Variants in PCBP3 observed in about 807,000 individuals in gnomAD.
The protein encoded by PCBP3 is poly(rC) binding protein 3.
Under a neutral mutation model 52.7 loss-of-function variants are expected in PCBP3, and 25 were observed. The observed-to-expected ratio is 0.47, with a 90% confidence interval of 0.35 to 0.66. The LOEUF is 0.66. PCBP3 is among the 30% of genes least tolerant of loss of function. The probability of loss-of-function intolerance (pLI) is 0.01; values close to 1 mark genes in which losing one functional copy is unlikely to be tolerated. For missense variants in PCBP3, 391 were observed against 490.3 expected (o/e 0.80, Z 1.91); for synonymous variants, 162 against 183.0 (o/e 0.89, Z 0.93).
intron 2 of PCBP3, among the ~76,000 whole-genome samples, chr21:45,681,296 C>T (rs1043618819): frequency 1.3e-5 from 2 of 152,230 alleles, no homozygotes; most frequent in African/African-American, 2.4e-5. Context: ...TGCTTCACTA[C>T]ATTGAGCAAT....
intron 13 of PCBP3, among the ~76,000 whole-genome samples, chr21:45,923,593 G>A (rs1404991777): frequency 6.6e-6 from 1 of 152,172 alleles, no homozygotes; most frequent in African/African-American, 2.4e-5. Context: ...GCCCGTGGAG[G>A]TCTGAGAAAC....
intron 4 of PCBP3, among the ~76,000 whole-genome samples, chr21:45,768,039 G>A (rs1569200980): frequency 6.6e-6 from 1 of 152,280 alleles, no homozygotes; most frequent in African/African-American, 2.4e-5. Flanking sequence ...AGGCCATGGT[G>A]CCAGTGTCCT....
chr21:45,892,386 G>C (rs938468114), intron 5 of PCBP3, among the ~76,000 whole-genome samples: 11 of 142,460 alleles, frequency 7.7e-5, no homozygotes, highest in African/African-American at 2.8e-4. Flanking sequence ...TGCAGAACAA[G>C]GAAACAGAGT....
intron 5 of PCBP3, among the ~76,000 whole-genome samples, chr21:45,865,083 A>T (rs2094660377): frequency 6.6e-6 from 1 of 152,210 alleles, no homozygotes; most frequent in South Asian, 2.1e-4. Context: ...TTTCATTAAG[A>T]TGGGGTAGAA....
In PCBP3 at chr21:45,829,826, C is replaced by T. The variant is rs2093402733; in HGVS notation, c.-125-20135C>T. 1 of 152,588 alleles carries T rather than the reference C, an allele frequency of 6.6e-6. No homozygotes were observed. Among genetic ancestry groups the T allele is most frequent in the African/African-American group, 2.4e-5 (1 of 41,468 alleles). 9.5% of individuals were successfully genotyped at this position (152,588 alleles called of 1,614,324 possible). On this transcript the variant is annotated intron_variant, in intron 4 of 17. Transcript: ENST00000681687. This position sits in a 1 kb window ranked among gnomAD's most constrained non-coding sequence, Gnocchi z 5.2. ...CTTGAAGCGGGGAGGCCTGGTTCCC[C>T]TGACATTCTGCTGCCAGGAAGATGC...
At chr21:45,929,856 T>C (rs186247901) in intron 13 of PCBP3, 61 bp from the exon 14 acceptor site, 60 of 1,255,696 alleles carry the variant, frequency 4.8e-5, no homozygotes, top group Non-Finnish European at 6.8e-5. Context: ...CCGTTTTAAT[T>C]TGGTGTGACT....
At chr21:45,900,116 C>T (rs1006850122) in intron 7 of PCBP3, among the ~76,000 whole-genome samples, 4 of 152,240 alleles carry the variant, frequency 2.6e-5, no homozygotes, top group African/African-American at 7.2e-5. Context: ...ACATTTTCAC[C>T]GCTTCCGGGG....
chr21:45,743,415 G>GT, intron 3 of PCBP3, among the ~76,000 whole-genome samples: 1 of 152,188 alleles, frequency 6.6e-6, no homozygotes, highest in East Asian at 1.9e-4. Context: ...TAAGTTACGT[G>GT]TTTTTTAAAA....
Position 45,802,971 on chromosome 21 carries a change from T to C in PCBP3, c.-125-46990T>C, listed in dbSNP as rs552814252. Reference sequence around the variant, plus strand: ...TTCTTTTTAATGATTTTTCTTGTTTTCAATAAAAAATAACATTTCCCGTCT... The same window carrying C: ...TTCTTTTTAATGATTTTTCTTGTTTCCAATAAAAAATAACATTTCCCGTCT... On this transcript the variant is annotated intron_variant, in intron 4 of 17. Coordinates refer to ENST00000681687, the MANE Select transcript of PCBP3 (RefSeq NM_001384156.1). This position sits in a 1 kb window ranked among gnomAD's most constrained non-coding sequence, Gnocchi z 5.1. 5.1e-4 allele frequency among the ~76,000 whole-genome samples: 77 copies of C among 152,378 alleles called. No individual in the cohort carries two copies. The highest frequency in any genetic ancestry group is 1.8e-3 in the African/African-American group (75 of 41,594).
chr21:45,877,141 C>A (rs2148719971), intron 5 of PCBP3, among the ~76,000 whole-genome samples: 1 of 152,374 alleles, frequency 6.6e-6, no homozygotes, highest in East Asian at 1.9e-4. Flanking sequence ...CCTTTCGGGT[C>A]TGACGGGATG....
intron 2 of PCBP3, among the ~76,000 whole-genome samples, chr21:45,725,033 G>A (rs2084927537): frequency 6.6e-6 from 1 of 152,136 alleles, no homozygotes; most frequent in Non-Finnish European, 1.5e-5. Context: ...CATTTTGCTT[G>A]GGTTTTTTTT....
rs1301653380 is a variant in PCBP3 at position 45,802,155 on chromosome 21, T to C, written c.-126+46703T>C. On this transcript the variant is annotated intron_variant, in intron 4 of 17. Transcript: ENST00000681687. This position sits in a 1 kb window ranked among gnomAD's most constrained non-coding sequence, Gnocchi z 5.1. Reference sequence around the variant, plus strand: ...ATCCTGGGCAGAGGCCTTGGCCCAGTGCAAGCTCTTTCTGCCCACATTCTC... The same window carrying C: ...ATCCTGGGCAGAGGCCTTGGCCCAGCGCAAGCTCTTTCTGCCCACATTCTC... Among the ~76,000 whole-genome samples, 3 of 152,220 alleles carry C rather than the reference T, an allele frequency of 2.0e-5. No homozygotes were observed. Among genetic ancestry groups the C allele is most frequent in the Non-Finnish European group, 4.4e-5 (3 of 68,038 alleles).
At chr21:45,672,808 G>A (rs2081253328) in intron 2 of PCBP3, among the ~76,000 whole-genome samples, 1 of 152,106 alleles carries the variant, frequency 6.6e-6, no homozygotes, top group Non-Finnish European at 1.5e-5. Flanking sequence ...GGGAGCAGAG[G>A]GATAGCTTTT....
intron 4 of PCBP3, chr21:45,762,522 C>G (rs1356540725): frequency 1.2e-5 from 1 of 84,490 alleles, no homozygotes; most frequent in African/African-American, 3.8e-5. Flanking sequence ...CAGAGTCTCA[C>G]TCTGTCACCC....
chr21:45,863,915 G>A (rs760031214), intron 5 of PCBP3, among the ~76,000 whole-genome samples: 10 of 152,186 alleles, frequency 6.6e-5, no homozygotes, highest in South Asian at 2.1e-4. Flanking sequence ...TGCACGATGC[G>A]TTACGATGAA....
chr21:45,685,090 A>G (rs1009149919), intron 2 of PCBP3, among the ~76,000 whole-genome samples: 6 of 152,194 alleles, frequency 3.9e-5, no homozygotes, highest in African/African-American at 1.4e-4. Context: ...AGATGCAAAG[A>G]CCAAATGTTA....
chr21:45,822,558 G>A (rs2147436399), intron 4 of PCBP3, among the ~76,000 whole-genome samples: 1 of 151,760 alleles, frequency 6.6e-6, no homozygotes, highest in Admixed American at 6.6e-5. Flanking sequence ...AGCAAGGGGT[G>A]GACCTGGCAT....
intron 5 of PCBP3, among the ~76,000 whole-genome samples, chr21:45,855,661 G>A (rs2094258264): frequency 6.6e-6 from 1 of 152,262 alleles, no homozygotes; most frequent in Non-Finnish European, 1.5e-5. Context: ...CCCTAGGTCT[G>A]TGCTGCAGGC....
chr21:45,815,549 ATGAGTGG>A (rs201774298), intron 4 of PCBP3, among the ~76,000 whole-genome samples: 1 of 10,218 alleles, frequency 9.8e-5, no homozygotes, highest in Non-Finnish European at 1.7e-4. Context: ...GTAGTGAGTG[ATGAGTGG>A]TGAGTGGTGA....
Sources: gnomAD v4.1 joint callset for allele counts (sites outside exome capture counted in the v4.1 genomes callset) on GRCh38, gnomAD v4.1.1 for gene constraint, Gnocchi (gnomAD v3.1) non-coding constraint, MANE v1.5 for transcripts, NCBI Gene and HGNC (gene_info 2026-07-23, HGNC 2026-07-21) for gene names.